The following PAK5 variants were observed in gnomAD, a reference collection of about 807,000 sequenced individuals.
PAK5 encodes the protein p21 (RAC1) activated kinase 5, also known as serine/threonine-protein kinase PAK 5.
PAK5 carries 16 observed loss-of-function variants against 65.9 expected under a neutral mutation model. The observed-to-expected ratio is 0.24, with a 90% confidence interval of 0.16 to 0.37. The LOEUF (loss-of-function observed/expected upper bound fraction) is 0.37, where lower values mean the gene tolerates loss of function less well. PAK5 is among the 10% of genes least tolerant of loss of function. The probability of loss-of-function intolerance (pLI) is 1.00; values close to 1 mark genes in which losing one functional copy is unlikely to be tolerated. For missense variants in PAK5, 785 were observed against 903.9 expected (o/e 0.87, Z 1.69); for synonymous variants, 371 against 354.9 (o/e 1.05, Z -0.51).
At chr20:9,660,531 T>A (rs1404707562) in intron 2 of PAK5, among the ~76,000 whole-genome samples, 1 of 151,566 alleles carries the variant, frequency 6.6e-6, no homozygotes, top group East Asian at 2.0e-4. Flanking sequence ...AATTACGTAG[T>A]ATATTAGAAG....
intron 1 of PAK5, among the ~76,000 whole-genome samples, chr20:9,812,771 A>T (rs2049312776): frequency 6.6e-6 from 1 of 152,166 alleles, no homozygotes; most frequent in South Asian, 2.1e-4. Context: ...GACTACATTT[A>T]ACAATAATTT....
At chr20:9,612,260 C>T (rs933388070) in intron 3 of PAK5, among the ~76,000 whole-genome samples, 47 of 152,200 alleles carry the variant, frequency 3.1e-4, no homozygotes, top group African/African-American at 1.1e-3. Context: ...GCACACTTAG[C>T]GCATTTCCTC....
chr20:9,650,299 T>A (rs2123295641), intron 2 of PAK5, among the ~76,000 whole-genome samples: 1 of 152,246 alleles, frequency 6.6e-6, no homozygotes, highest in South Asian at 2.1e-4. Context: ...ACACTACAAC[T>A]CTCTCCCCAG....
intron 1 of PAK5, among the ~76,000 whole-genome samples, chr20:9,754,956 A>G (rs992055101): frequency 6.6e-6 from 1 of 152,204 alleles, no homozygotes; most frequent in Non-Finnish European, 1.5e-5. Flanking sequence ...AAGAGGCAAT[A>G]TATCTCAGGA....
chr20:9,738,025 C>T (rs1235315426), intron 1 of PAK5, among the ~76,000 whole-genome samples: 4 of 152,100 alleles, frequency 2.6e-5, no homozygotes, highest in African/African-American at 9.7e-5. Flanking sequence ...CCTGTAGTCC[C>T]AGCTACTTGG....
chr20:9,767,681 T>C (rs199840028), intron 1 of PAK5, among the ~76,000 whole-genome samples: 1 of 152,134 alleles, frequency 6.6e-6, no homozygotes, highest in East Asian at 1.9e-4. Flanking sequence ...CCTTCTCTGG[T>C]TCTTCAGTCA....
intron 9 of PAK5, among the ~76,000 whole-genome samples, chr20:9,540,828 C>G (rs2045250346): frequency 6.6e-6 from 1 of 151,970 alleles, no homozygotes; most frequent in Non-Finnish European, 1.5e-5. Flanking sequence ...GCTCTGCCTC[C>G]CAGGTTCACG....
At chr20:9,644,866 T>C (rs866603659) in intron 2 of PAK5, among the ~76,000 whole-genome samples, 1 of 152,220 alleles carries the variant, frequency 6.6e-6, no homozygotes, top group Non-Finnish European at 1.5e-5. Context: ...ATGTATGTAA[T>C]GAAGCCACTG....
At chr20:9,836,423 A>G (rs1979152648) in intron 1 of PAK5, among the ~76,000 whole-genome samples, 1 of 152,228 alleles carries the variant, frequency 6.6e-6, no homozygotes, top group Non-Finnish European at 1.5e-5. Flanking sequence ...ACAGGGACAG[A>G]GACAGAGAGG....
chr20:9,655,558 C>A (rs1303456901), intron 2 of PAK5, among the ~76,000 whole-genome samples: 1 of 152,126 alleles, frequency 6.6e-6, no homozygotes, highest in Non-Finnish European at 1.5e-5. Flanking sequence ...TACTATAATT[C>A]ATCTATTGAT....
intron 9 of PAK5, among the ~76,000 whole-genome samples, chr20:9,540,379 C>CCTAT (rs375569630): frequency 8.5e-5 from 13 of 152,302 alleles, no homozygotes; most frequent in African/African-American, 2.9e-4. Flanking sequence ...CCTGCCAACC[C>CCTAT]CTATCTCCCT....
intron 3 of PAK5, among the ~76,000 whole-genome samples, chr20:9,610,957 C>T (rs2046547807): frequency 6.6e-6 from 1 of 152,218 alleles, no homozygotes; most frequent in African/African-American, 2.4e-5. Context: ...TTTTGTCCTT[C>T]AGTGCTCATT....
chr20:9,690,336 G>T (rs950640171), intron 2 of PAK5, among the ~76,000 whole-genome samples: 1 of 152,132 alleles, frequency 6.6e-6, no homozygotes, highest in Non-Finnish European at 1.5e-5. Flanking sequence ...ATCAGCATTG[G>T]TCTGGTATAT....
intron 2 of PAK5, among the ~76,000 whole-genome samples, chr20:9,679,028 A>C (rs890180547): frequency 6.6e-6 from 1 of 152,058 alleles, no homozygotes; most frequent in Non-Finnish European, 1.5e-5. Context: ...ATTTTCTTCC[A>C]CCTCTGCTAC....
At chr20:9,684,118 A>G (rs986884218) in intron 2 of PAK5, among the ~76,000 whole-genome samples, 1 of 152,200 alleles carries the variant, frequency 6.6e-6, no homozygotes, top group African/African-American at 2.4e-5. Flanking sequence ...TATTGTGTTA[A>G]ACCATTGGGA....
At chr20:9,663,020 A>T (rs1322275475) in intron 2 of PAK5, among the ~76,000 whole-genome samples, 1 of 152,210 alleles carries the variant, frequency 6.6e-6, no homozygotes, top group Non-Finnish European at 1.5e-5. Context: ...CCACTATGTG[A>T]ATTTTCAGCA....
chr20:9,693,047 A>G (rs1410304818), intron 2 of PAK5, among the ~76,000 whole-genome samples: 1 of 152,168 alleles, frequency 6.6e-6, no homozygotes, highest in African/African-American at 2.4e-5. Flanking sequence ...GGTCAATATT[A>G]TAATATATTT....
chr20:9,828,100 G>A (rs1978415733), intron 1 of PAK5, among the ~76,000 whole-genome samples: 1 of 152,180 alleles, frequency 6.6e-6, no homozygotes, highest in African/African-American at 2.4e-5. Flanking sequence ...CTCCCAGAGT[G>A]CTGGGATTAC....
intron 4 of PAK5, among the ~76,000 whole-genome samples, chr20:9,574,777 T>C (rs1367598934): frequency 1.3e-5 from 2 of 152,204 alleles, no homozygotes; most frequent in Non-Finnish European, 2.9e-5. Flanking sequence ...TGAGCCTTAA[T>C]GAAGACCCTG....
Sources: gnomAD v4.1 joint callset for allele counts (sites outside exome capture counted in the v4.1 genomes callset) on GRCh38, gnomAD v4.1.1 for gene constraint, MANE v1.5 for transcripts, NCBI Gene and HGNC (gene_info 2026-07-23, HGNC 2026-07-21) for gene names.